The following RERE variants were observed in gnomAD, a reference collection of about 807,000 sequenced individuals.
RERE encodes arginine-glutamic acid dipeptide repeats protein.
Under a neutral mutation model 146.1 loss-of-function variants are expected in RERE, and 40 were observed. That is an observed-to-expected ratio of 0.27 (90% CI 0.21 to 0.36). The LOEUF is 0.36. RERE is among the 10% of genes least tolerant of loss of function. The pLI is 1.00. For synonymous variants in RERE, 1,003 were observed against 866.0 expected (o/e 1.16, Z -2.78); for missense variants, 1,933 against 2,138.7 (o/e 0.90, Z 1.90).
At chr1:8,584,731 A>G (rs2124076380) in intron 4 of RERE, among the ~76,000 whole-genome samples, 1 of 152,358 alleles carries the variant, frequency 6.6e-6, no homozygotes, top group South Asian at 2.1e-4. Context: ...TTTAACACAC[A>G]GAAGGAGAAA....
At chr1:8,390,185 C>A (rs1642835964) in intron 12 of RERE, among the ~76,000 whole-genome samples, 2 of 152,114 alleles carry the variant, frequency 1.3e-5, no homozygotes. Context: ...ACATCTGAAC[C>A]CAGAGGCATC....
In RERE at chr1:8,361,058, G is replaced by A. The variant is rs1367226536; in HGVS notation, c.2449C>T (p.Pro817Ser). 1 of 1,437,588 alleles carries A rather than the reference G, an allele frequency of 7.0e-7. No homozygotes were observed. Among genetic ancestry groups the A allele is most frequent in the South Asian group, 1.5e-5 (1 of 67,550 alleles). The allele number at this position is 1,437,588 out of a possible 1,614,324, so 89.1% of individuals were successfully genotyped here. Reference sequence around the variant, plus strand: ...GGGGGATGTGGCGAGGGATGCGGCGGGGGATGCGGTGAGGGCGGCCGCTGG... The same window carrying A: ...GGGGGATGTGGCGAGGGATGCGGCGAGGGATGCGGTGAGGGCGGCCGCTGG... ...HPQRPPSPHPPPHPSPHPPLQ... is the reference protein window; with the variant it reads ...HPQRPPSPHPSPHPSPHPPLQ... The change falls in exon 18 of 23, where the codon CCG becomes TCG. Residue 817 changes from proline (P) to serine (S), a missense_variant. Physicochemically the swap from Pro to Ser is moderately conservative, Grantham distance 74. Transcript: ENST00000400908.
At chr1:8,744,548 T>C (rs1640381734) in intron 1 of RERE, among the ~76,000 whole-genome samples, 2 of 152,122 alleles carry the variant, frequency 1.3e-5, no homozygotes, top group African/African-American at 4.8e-5. Context: ...GTAATTTTGA[T>C]AGAAAAAGTA....
At chr1:8,697,283 GA>G (rs536402078) in intron 1 of RERE, among the ~76,000 whole-genome samples, 10 of 151,800 alleles carry the variant, frequency 6.6e-5, no homozygotes, top group Non-Finnish European at 1.5e-4. Context: ...AAAACAAAAA[GA>G]AAAAATTGTT....
intron 4 of RERE, among the ~76,000 whole-genome samples, chr1:8,594,073 G>A (rs1182596432): frequency 6.6e-6 from 1 of 152,170 alleles, no homozygotes; most frequent in Non-Finnish European, 1.5e-5. Context: ...CTCCCATTTT[G>A]CAGACCACTA....
chr1:8,711,438 T>C (rs1349667739), intron 1 of RERE, among the ~76,000 whole-genome samples: 1 of 152,208 alleles, frequency 6.6e-6, no homozygotes, highest in East Asian at 1.9e-4. Flanking sequence ...ACCTCTTAGA[T>C]AGCACATGCT....
At chr1:8,800,064 T>C (rs1436634953) in intron 1 of RERE, among the ~76,000 whole-genome samples, 1 of 152,146 alleles carries the variant, frequency 6.6e-6, no homozygotes, top group Non-Finnish European at 1.5e-5. Flanking sequence ...TCTGCCTGCC[T>C]CGGCCTCCCA....
chr1:8,699,314 T>G (rs1401426191), intron 1 of RERE, among the ~76,000 whole-genome samples: 3 of 152,126 alleles, frequency 2.0e-5, no homozygotes, highest in African/African-American at 7.2e-5. Context: ...AAACTAAGAA[T>G]AGAACTCAAA....
At chr1:8,478,318 T>C (rs1644785673) in intron 10 of RERE, among the ~76,000 whole-genome samples, 1 of 152,122 alleles carries the variant, frequency 6.6e-6, no homozygotes, top group South Asian at 2.1e-4. Context: ...CTTGAGAAGA[T>C]ATGAAAATGT....
At chr1:8,786,247 C>A in intron 1 of RERE, 2 of 974,864 alleles carry the variant, frequency 2.1e-6, no homozygotes, top group East Asian at 2.7e-5. Flanking sequence ...CTGTTGCCAG[C>A]ATCTCCACCT....
chr1:8,666,967 A>C (rs974541692), intron 1 of RERE, among the ~76,000 whole-genome samples: 2 of 152,204 alleles, frequency 1.3e-5, no homozygotes, highest in Non-Finnish European at 2.9e-5. Context: ...TAAGGAACCT[A>C]AATAACTGCA....
At chr1:8,546,866 C>CA (rs750762485) in intron 6 of RERE, among the ~76,000 whole-genome samples, 11 of 146,142 alleles carry the variant, frequency 7.5e-5, no homozygotes, top group Admixed American at 3.4e-4. Flanking sequence ...AAAAAAAAAA[C>CA]AAAAAAAATT....
chr1:8,366,204 A>T (rs1363477682), intron 12 of RERE, among the ~76,000 whole-genome samples: 1 of 152,220 alleles, frequency 6.6e-6, no homozygotes, highest in Non-Finnish European at 1.5e-5. Context: ...GCACAGCTTG[A>T]CTTCCAGACA....
At chr1:8,705,537 G>T (rs1241044424) in intron 1 of RERE, among the ~76,000 whole-genome samples, 2 of 152,162 alleles carry the variant, frequency 1.3e-5, no homozygotes, top group Non-Finnish European at 2.9e-5. Context: ...TTTGTTATAA[G>T]TTCTCATAGA....
intron 1 of RERE, among the ~76,000 whole-genome samples, chr1:8,679,950 G>A (rs1004498698): frequency 2.0e-5 from 3 of 152,140 alleles, no homozygotes; most frequent in African/African-American, 7.2e-5. Flanking sequence ...CTTGCACAGG[G>A]ATGTTTTATA....
chr1:8,805,556 G>A (rs577452790), intron 1 of RERE, among the ~76,000 whole-genome samples: 1 of 152,056 alleles, frequency 6.6e-6, no homozygotes, highest in African/African-American at 2.4e-5. Context: ...GGCTGAGGCA[G>A]GAGAATCACT....
At chr1:8,407,980 T>C (rs1643498973) in intron 12 of RERE, among the ~76,000 whole-genome samples, 1 of 152,008 alleles carries the variant, frequency 6.6e-6, no homozygotes, top group African/African-American at 2.4e-5. Context: ...ACATTCTGAG[T>C]AAAGAAATGG....
At chr1:8,677,076 C>T (rs1638856331) in intron 1 of RERE, among the ~76,000 whole-genome samples, 1 of 152,100 alleles carries the variant, frequency 6.6e-6, no homozygotes, top group Admixed American at 6.5e-5. Flanking sequence ...TGCGTCCTTG[C>T]CACTAGCCCA....
chr1:8,556,612 C>T, intron 5 of RERE, 41 bp from the exon 6 acceptor site: 1 of 1,272,976 alleles, frequency 7.9e-7, no homozygotes, highest in East Asian at 2.3e-5. Flanking sequence ...AACTGAGTTT[C>T]CCAAAACAAG....
Sources: allele counts gnomAD v4.1 joint callset (sites outside exome capture counted in the v4.1 genomes callset), GRCh38; gene constraint gnomAD v4.1.1; transcripts MANE v1.5; gene names NCBI Gene and HGNC (gene_info 2026-07-23, HGNC 2026-07-21).